The following TASOR2 variants were observed in gnomAD, a reference collection of about 807,000 sequenced individuals.
The protein encoded by TASOR2 is transcription activation suppressor family member 2.
TASOR2 carries 84 observed loss-of-function variants against 199.5 expected under a neutral mutation model. The ratio of observed to expected loss-of-function variants is 0.42; its 90% CI spans 0.35 to 0.50. The LOEUF (loss-of-function observed/expected upper bound fraction) is 0.50, where lower values mean the gene tolerates loss of function less well. TASOR2 is among the 20% of genes least tolerant of loss of function. The pLI is 0.02. For synonymous variants in TASOR2, 1,103 were observed against 1,046.6 expected (o/e 1.05, Z -1.04); for missense variants, 2,796 against 2,835.9 (o/e 0.99, Z 0.32).
At chr10:5,696,692 T>C (rs1837199097) in intron 1 of TASOR2, among the ~76,000 whole-genome samples, 1 of 152,058 alleles carries the variant, frequency 6.6e-6, no homozygotes, top group South Asian at 2.1e-4. Context: ...TGAGTATAAA[T>C]GTACAGCCAA....
exon 15 of TASOR2, chr10:5,747,696 A>G (rs1236875458): frequency 1.2e-6 from 2 of 1,614,076 alleles, no homozygotes; most frequent in African/African-American, 2.7e-5. Context: ...CATGCATTTT[A>G]AAACTTCATG....
Position 5,699,204 on chromosome 10 carries a change from G to A in TASOR2, c.-287-13619G>A, listed in dbSNP as rs1425785443. ...TGGATGAACTTCAAAAACAGGCTAA[G>A]TGAAAGAAGCCAATCATGAAGGACC... On this transcript the variant is annotated intron_variant, in intron 1 of 20. Coordinates refer to ENST00000328090, the Ensembl canonical transcript of TASOR2. The surrounding 1 kb of genome is among the most constrained non-coding windows in gnomAD (Gnocchi z 4.1). 6.6e-6 allele frequency among the ~76,000 whole-genome samples: 1 copy of A among 152,130 alleles called. No individual in the cohort carries two copies. The highest frequency in any genetic ancestry group is 1.5e-5 in the Non-Finnish European group (1 of 67,988).
At position 5,751,048 on chromosome 10, in the gene TASOR2, G is replaced by C. The variant is rs1390544486; in HGVS notation, c.6606+1021G>C. 6.6e-6 allele frequency among the ~76,000 whole-genome samples: 1 copy of C among 152,184 alleles called. No homozygotes were observed. The highest frequency in any genetic ancestry group is 1.5e-5 in the Non-Finnish European group (1 of 68,030). On this transcript the variant is annotated intron_variant, in intron 15 of 20. Transcript: ENST00000328090. The surrounding 1 kb of genome is among the most constrained non-coding windows in gnomAD (Gnocchi z 5.3). ...TCCATGACTTAGGCATTTTAGATGA[G>C]AATACTCAGATATCATGTAGTGCTC...
At chr10:5,762,610 T>C (rs778649030) in exon 20 of TASOR2, 10 of 1,462,472 alleles carry the variant, frequency 6.8e-6, no homozygotes, top group Admixed American at 4.4e-5. Flanking sequence ...ATAGAAAACA[T>C]AGAAAAAATA....
chr10:5,731,876 C>T (rs1834868825), intron 11 of TASOR2, among the ~76,000 whole-genome samples: 1 of 152,190 alleles, frequency 6.6e-6, no homozygotes, highest in South Asian at 2.1e-4. Flanking sequence ...CACATCAGTA[C>T]CAGCAAACCG....
Position 5,724,462 on chromosome 10 carries a change from G to T in TASOR2, c.280G>T (p.Glu94Ter). 1.3e-6 allele frequency: 2 copies of T among 1,537,924 alleles called. No individual in the cohort carries two copies. The highest frequency in any genetic ancestry group is 1.3e-5 in the South Asian group (1 of 77,926). The change falls in exon 8 of 21, where the codon GAG becomes TAG. Residue 94 changes from glutamate (E) to a stop codon, truncating the protein, a stop_gained. Coordinates refer to ENST00000328090, the Ensembl canonical transcript of TASOR2. LOFTEE classifies it high-confidence loss of function. Reference sequence around the variant, plus strand: ...TCAAGATTTGTGCTTCAATTTGTATGAGGTAGAACTGTCAAACAGACAAGG... The same window carrying T: ...TCAAGATTTGTGCTTCAATTTGTATTAGGTAGAACTGTCAAACAGACAAGG...
Position 5,747,627 on chromosome 10 carries a change from G to T in TASOR2, c.4206G>T (p.Ala1402=), listed in dbSNP as rs779645171. 2.5e-6 allele frequency: 4 copies of T among 1,614,012 alleles called. No homozygotes were observed. The African/African-American group carries it at 4.0e-5, about 16-fold the overall frequency. ...CTGTAATTGAAGAAGTATCACCAGCGTCTAGTCCTGAACCTCCAGTACCAG... is the reference window on the plus strand; with the variant it reads ...CTGTAATTGAAGAAGTATCACCAGCTTCTAGTCCTGAACCTCCAGTACCAG... The change falls in exon 15 of 21, where the codon GCG becomes GCT. Residue 1402 remains alanine, a synonymous_variant. Transcript: ENST00000328090.
rs1269146854 is a variant in TASOR2, at chr10:5,737,295, T to G, written c.1447+1749T>G. On this transcript the variant is annotated intron_variant, in intron 12 of 20. Coordinates refer to ENST00000328090, the Ensembl canonical transcript of TASOR2. This position sits in a 1 kb window ranked among gnomAD's most constrained non-coding sequence, Gnocchi z 4.9. ...TTGTTTTTTTTAGTTTTTTTGTTTT[T>G]TTTTTCAACTTAAGCATACCCTGAG... Among the ~76,000 whole-genome samples the G allele has an allele frequency of 2.0e-5, 3 of 152,084 alleles. No individual in the cohort carries two copies. The highest frequency in any genetic ancestry group is 7.2e-5 in the African/African-American group (3 of 41,406).
chr10:5,716,623 A>G (rs967917547), intron 2 of TASOR2, among the ~76,000 whole-genome samples: 1 of 152,108 alleles, frequency 6.6e-6, no homozygotes, highest in African/African-American at 2.4e-5. Flanking sequence ...AGATAATATT[A>G]TACATTATTG....
Position 5,746,903 on chromosome 10 carries a change from C to T in TASOR2, c.3482C>T (p.Ala1161Val), listed in dbSNP as rs750873621. The change falls in exon 15 of 21, where the codon GCA becomes GTA. Residue 1161 changes from alanine to valine, a missense_variant. Around this residue, in one of 3 missense-constraint regions of TASOR2, gnomAD observed 1,941 missense variants for 1,924.9 expected, o/e 1.01. Coordinates refer to ENST00000328090, the Ensembl canonical transcript of TASOR2. ...TCTGATAAAACAATGGTCATGGAGG[C>T]ACTATCATTAGCTAAAAGTTCTAGT... 1.9e-6 allele frequency: 3 copies of T among 1,614,196 alleles called. No individual in the cohort carries two copies. The South Asian group carries it at 3.3e-5, about 18-fold the overall frequency.
rs190162500 is a variant in TASOR2 at position 5,695,951 on chromosome 10, T to G, written c.-288+10776T>G. Among the ~76,000 whole-genome samples, 818 of 152,258 alleles carry G rather than the reference T, an allele frequency of 5.4e-3. 6 individuals carry two copies. The highest frequency in any genetic ancestry group is 0.019 in the African/African-American group (782 of 41,550). On this transcript the variant is annotated intron_variant, in intron 1 of 20. Coordinates refer to ENST00000328090, the Ensembl canonical transcript of TASOR2. ...GGTTGGTTGATGGTCTTTATCATTT[T>G]GATACCCTGGAACCCCTTCTCCACT...
At chr10:5,760,343 G>C in intron 18 of TASOR2, among the ~76,000 whole-genome samples, 1 of 152,178 alleles carries the variant, frequency 6.6e-6, no homozygotes, top group East Asian at 1.9e-4. Flanking sequence ...TGTTGGCGCT[G>C]CAGTATGCTC....
At chr10:5,692,357 T>C (rs562581930) in intron 1 of TASOR2, among the ~76,000 whole-genome samples, 28 of 152,302 alleles carry the variant, frequency 1.8e-4, no homozygotes, top group African/African-American at 6.0e-4. Context: ...CTGAGATTGA[T>C]AGATATCCTT....
Position 5,740,426 on chromosome 10 carries a change from A to C in TASOR2, c.2256A>C (p.Glu752Asp), listed in dbSNP as rs564879679. 4.4e-5 allele frequency: 71 copies of C among 1,614,172 alleles called. No homozygotes were observed. The East Asian group carries it at 1.5e-3, about 35-fold the overall frequency. ...AGATCACTTTCAAATGTGAAACAGA[A>C]TATGCATTCAGTTTAGACAGCAAAT... Residue 752 changes from glutamate to aspartate, a missense_variant, in exon 13 of 21, where the codon GAA becomes GAC. Physicochemically the swap from Glu to Asp is conservative, Grantham distance 45. Around this residue, in one of 3 missense-constraint regions of TASOR2, gnomAD observed 847 missense variants for 887.4 expected, o/e 0.95. Transcript: ENST00000328090. This position sits in a 1 kb window ranked among gnomAD's most constrained non-coding sequence, Gnocchi z 5.3.
rs1464399301 is a variant in TASOR2 at position 5,750,327 on chromosome 10, A to G, written c.6606+300A>G. 6.6e-6 allele frequency among the ~76,000 whole-genome samples: 1 copy of G among 152,242 alleles called. No individual in the cohort carries two copies. Among genetic ancestry groups the G allele is most frequent in the East Asian group, 1.9e-4 (1 of 5,204 alleles). ...AATACAAACACATTCCGATGTTAAA[A>G]TACAGATTTTTTGAAAAGTGGTTGT... is the stretch of plus-strand genomic sequence containing the variant. On this transcript the variant is annotated intron_variant, in intron 15 of 20. Coordinates refer to ENST00000328090, the Ensembl canonical transcript of TASOR2. The surrounding 1 kb of genome is among the most constrained non-coding windows in gnomAD (Gnocchi z 5.4).
intron 1 of TASOR2, among the ~76,000 whole-genome samples, chr10:5,705,342 G>A (rs1432076836): frequency 2.0e-5 from 3 of 151,910 alleles, no homozygotes; most frequent in African/African-American, 7.3e-5. Flanking sequence ...TTTTTTAATT[G>A]CTGATTATTA....
rs1486383417 is a variant in TASOR2 at position 5,720,210 on chromosome 10, G to A, written c.-99-334G>A. ...ACTTCTAAATGAATCCTAGAGTAAA[G>A]GTTATTGCTATTCGAAGGCATCTGA... is the stretch of plus-strand genomic sequence containing the variant. On this transcript the variant is annotated intron_variant, in intron 3 of 20. Transcript: ENST00000328090. The surrounding 1 kb of genome is among the most constrained non-coding windows in gnomAD (Gnocchi z 5.3). 2 of 962,976 alleles carry A rather than the reference G, an allele frequency of 2.1e-6. No individual in the cohort carries two copies. The highest frequency in any genetic ancestry group is 6.2e-5 in the Admixed American group (1 of 16,220). The allele number at this position is 962,976 out of a possible 1,614,324, so 59.7% of individuals were successfully genotyped here.
In TASOR2 at chr10:5,737,748, G is replaced by T. The variant is rs1374447055; in HGVS notation, c.1448-1870G>T. Among the ~76,000 whole-genome samples, 1 of 152,156 alleles carries T rather than the reference G, an allele frequency of 6.6e-6. No individual in the cohort carries two copies. The highest frequency in any genetic ancestry group is 6.5e-5 in the Admixed American group (1 of 15,282). ...AACATGAGAATAGGTAACATCTTGT[G>T]TTCCTAGCAGTGTCATTTGCATTCT... On this transcript the variant is annotated intron_variant, in intron 12 of 20. Coordinates refer to ENST00000328090, the Ensembl canonical transcript of TASOR2. This position sits in a 1 kb window ranked among gnomAD's most constrained non-coding sequence, Gnocchi z 4.9.
At chr10:5,747,854 A>T (rs1369384638) in exon 15 of TASOR2, 10 of 1,613,708 alleles carry the variant, frequency 6.2e-6, no homozygotes, top group Non-Finnish European at 1.7e-6. Flanking sequence ...GTCTCTGCCG[A>T]AATGCCTCTA....
Sources: gnomAD v4.1 joint callset for allele counts (sites outside exome capture counted in the v4.1 genomes callset) on GRCh38, gnomAD v4.1.1 for gene constraint, gnomAD v4.1.1 regional missense constraint, Gnocchi (gnomAD v3.1) non-coding constraint, MANE v1.5 for transcripts, NCBI Gene and HGNC (gene_info 2026-07-23, HGNC 2026-07-21) for gene names.